Variants in NKAIN3 observed in about 807,000 individuals in gnomAD.
The protein encoded by NKAIN3 is sodium/potassium transporting ATPase interacting 3, also known as sodium/potassium-transporting ATPase subunit beta-1-interacting protein 3.
A neutral mutation model predicts 30.2 loss-of-function variants in NKAIN3; 25 were observed. The observed-to-expected ratio is 0.83, with a 90% CI of 0.60 to 1.16. The LOEUF (loss-of-function observed/expected upper bound fraction) is 1.16, where lower values mean the gene tolerates loss of function less well. NKAIN3 is among the 50% of genes most tolerant of loss of function. The pLI is 0.00. For missense variants in NKAIN3, 225 were observed against 254.1 expected (o/e 0.89, Z 0.78); for synonymous variants, 91 against 89.6 (o/e 1.02, Z -0.09).
intron 3 of NKAIN3, among the ~76,000 whole-genome samples, chr8:62,604,348 G>A (rs1329800252): frequency 3.3e-5 from 5 of 152,116 alleles, no homozygotes; most frequent in Admixed American, 3.3e-4. Flanking sequence ...TCTGATTCAG[G>A]AATAACAGTA....
intron 3 of NKAIN3, among the ~76,000 whole-genome samples, chr8:62,718,913 T>G (rs1250139418): frequency 6.6e-6 from 1 of 152,232 alleles, no homozygotes; most frequent in African/African-American, 2.4e-5. Context: ...AAATATTTAT[T>G]ACCTGCTCAT....
intron 4 of NKAIN3, among the ~76,000 whole-genome samples, chr8:62,749,142 A>G (rs1816184963): frequency 6.6e-6 from 1 of 152,188 alleles, no homozygotes. Flanking sequence ...CCTTTAAAAA[A>G]TTATCGTAGC....
At chr8:62,703,858 C>T (rs1814429548) in intron 3 of NKAIN3, among the ~76,000 whole-genome samples, 2 of 152,200 alleles carry the variant, frequency 1.3e-5, no homozygotes, top group South Asian at 4.1e-4. Context: ...CCCAGTATCA[C>T]TGGTAAGAAA....
At chr8:62,878,688 G>T (rs1187004934) in intron 4 of NKAIN3, among the ~76,000 whole-genome samples, 2 of 121,000 alleles carry the variant, frequency 1.7e-5, no homozygotes, top group Admixed American at 2.2e-4. Context: ...ACAGGCCCCA[G>T]TGTGTGATGT....
At chr8:62,892,601 T>G (rs4573266) in intron 4 of NKAIN3, among the ~76,000 whole-genome samples, 2 of 152,140 alleles carry the variant, frequency 1.3e-5, no homozygotes, top group African/African-American at 2.4e-5. Flanking sequence ...TCTGGTTCAA[T>G]AATAAATTCA....
At chr8:62,445,770 CT>C (rs1483921783) in intron 1 of NKAIN3, among the ~76,000 whole-genome samples, 6 of 152,100 alleles carry the variant, frequency 3.9e-5, no homozygotes, top group African/African-American at 1.4e-4. Flanking sequence ...AAAAATCTAC[CT>C]TCAAAATAGG....
chr8:62,640,651 ATT>A (rs1197294882), intron 3 of NKAIN3, among the ~76,000 whole-genome samples: 1 of 152,130 alleles, frequency 6.6e-6, no homozygotes, highest in Non-Finnish European at 1.5e-5. Flanking sequence ...TAAAAGAGGT[ATT>A]CATAGAAATC....
intron 4 of NKAIN3, among the ~76,000 whole-genome samples, chr8:62,748,955 T>C (rs1037969744): frequency 6.6e-6 from 1 of 152,176 alleles, no homozygotes; most frequent in Non-Finnish European, 1.5e-5. Flanking sequence ...AAAATATATA[T>C]GTTTAAATTT....
At chr8:62,914,990 C>G (rs1224736056) in intron 4 of NKAIN3, among the ~76,000 whole-genome samples, 1 of 151,998 alleles carries the variant, frequency 6.6e-6, no homozygotes, top group African/African-American at 2.4e-5. Context: ...ATGTTGCCCT[C>G]CCTGTCTCCA....
At chr8:62,666,080 G>C (rs750267023) in intron 3 of NKAIN3, among the ~76,000 whole-genome samples, 1 of 152,044 alleles carries the variant, frequency 6.6e-6, no homozygotes, top group African/African-American at 2.4e-5. Flanking sequence ...TGGGCGTGGT[G>C]GTGGGCGCCT....
intron 4 of NKAIN3, among the ~76,000 whole-genome samples, chr8:62,800,975 G>A (rs1818040525): frequency 1.3e-5 from 2 of 152,218 alleles, no homozygotes; most frequent in African/African-American, 4.8e-5. Flanking sequence ...TCCTGCACCT[G>A]GCTCGGAGGG....
chr8:62,777,839 G>T (rs1198549134), intron 4 of NKAIN3, among the ~76,000 whole-genome samples: 1 of 151,958 alleles, frequency 6.6e-6, no homozygotes, highest in African/African-American at 2.4e-5. Flanking sequence ...CCTCCTTCTT[G>T]GAAACACTTT....
chr8:62,662,923 G>T (rs1268060339), intron 3 of NKAIN3, among the ~76,000 whole-genome samples: 1 of 152,192 alleles, frequency 6.6e-6, no homozygotes. Flanking sequence ...TGAAGATGTA[G>T]AAGAAAGAAC....
At chr8:62,680,160 G>A (rs1055987708) in intron 3 of NKAIN3, among the ~76,000 whole-genome samples, 2 of 152,126 alleles carry the variant, frequency 1.3e-5, no homozygotes, top group Admixed American at 6.6e-5. Flanking sequence ...GTAACCCCGG[G>A]CTAACAGTCA....
At chr8:62,741,430 A>AGGAAGGAAG (rs1563540872) in intron 3 of NKAIN3, among the ~76,000 whole-genome samples, 2 of 147,214 alleles carry the variant, frequency 1.4e-5, no homozygotes, top group Admixed American at 6.7e-5. Context: ...AAGGCAGGCA[A>AGGAAGGAAG]GCAAGCAAGC....
chr8:62,905,737 T>C (rs1821754605), intron 4 of NKAIN3, among the ~76,000 whole-genome samples: 1 of 152,140 alleles, frequency 6.6e-6, no homozygotes, highest in South Asian at 2.1e-4. Context: ...ATAGCCTCAA[T>C]TTCTGTACCC....
chr8:62,499,382 G>A (rs1807345291), intron 1 of NKAIN3, among the ~76,000 whole-genome samples: 1 of 152,034 alleles, frequency 6.6e-6, no homozygotes, highest in African/African-American at 2.4e-5. Context: ...TGAAGGTCTG[G>A]AGATAGTAAC....
rs7814614 is a variant in NKAIN3 at position 62,307,094 on chromosome 8, G to A, written c.54+57967G>A. On this transcript the variant is annotated intron_variant, in intron 1 of 6. Transcript: ENST00000623646. ...CAAATTTCTGAGGTAACAGAGCTGA[G>A]GGGGCTGCCCTGGTGAATCTCCTGC... Among the ~76,000 whole-genome samples, 1,484 of 149,938 alleles carry A rather than the reference G, an allele frequency of 9.9e-3. 155 individuals carry two copies. The highest frequency in any genetic ancestry group is 0.035 in the African/African-American group (1,397 of 39,492).
intron 3 of NKAIN3, among the ~76,000 whole-genome samples, chr8:62,626,418 TG>T (rs1373737928): frequency 7.2e-5 from 11 of 152,100 alleles, no homozygotes; most frequent in Admixed American, 2.0e-4. Context: ...TGTGGCCCGC[TG>T]GGCACAGATA....
Sources: allele counts gnomAD v4.1 joint callset (sites outside exome capture counted in the v4.1 genomes callset), GRCh38; gene constraint gnomAD v4.1.1; transcripts MANE v1.5; gene names NCBI Gene and HGNC (gene_info 2026-07-23, HGNC 2026-07-21).